RABGAP1L: variants seen among roughly 807,000 people sequenced by gnomAD.
The protein encoded by RABGAP1L is RAB GTPase activating protein 1 like.
In RABGAP1L, 63 loss-of-function variants were observed where a neutral mutation model predicts 137.7. That is an observed-to-expected ratio of 0.46 (90% CI 0.37 to 0.56). The LOEUF is 0.56. Among genes scored for constraint, RABGAP1L ranks in the 20% least tolerant of loss-of-function variants. The pLI is 0.00. For missense variants in RABGAP1L, 1,095 were observed against 1,244.0 expected, an observed-to-expected ratio of 0.88 and a Z score of 1.80; for synonymous variants, 431 against 433.7, an observed-to-expected ratio of 0.99 and a Z score of 0.08.
intron 13 of RABGAP1L, among the ~76,000 whole-genome samples, chr1:174,573,287 A>T (rs1668126658): frequency 6.6e-6 from 1 of 151,538 alleles, no homozygotes; most frequent in Admixed American, 6.6e-5. Context: ...ATATGTTTAT[A>T]TGTATGTGTG....
intron 14 of RABGAP1L, among the ~76,000 whole-genome samples, chr1:174,643,478 C>T (rs1674697628): frequency 6.6e-6 from 1 of 152,148 alleles, no homozygotes; most frequent in Non-Finnish European, 1.5e-5. Context: ...TTAACAGACA[C>T]TTAGAGACAG....
At chr1:174,547,422 G>A (rs1399558543) in intron 13 of RABGAP1L, among the ~76,000 whole-genome samples, 1 of 152,132 alleles carries the variant, frequency 6.6e-6, no homozygotes, top group East Asian at 1.9e-4. Context: ...TTTGAGACCA[G>A]CCTAGGCAAT....
intron 14 of RABGAP1L, among the ~76,000 whole-genome samples, chr1:174,651,846 A>T (rs886106135): frequency 6.6e-6 from 1 of 152,096 alleles, no homozygotes; most frequent in Non-Finnish European, 1.5e-5. Context: ...TTTAAAGTTA[A>T]TATTGTTATG....
Position 174,892,490 on chromosome 1 carries a change from C to G in RABGAP1L, c.2341-64967C>G, listed in dbSNP as rs188597221. ...TTTTCACCTTCCAGCTTCTTTTCTA[C>G]TTTGTAAGTTACTGGTTTTCACAAA... On this transcript the variant is annotated intron_variant, in intron 19 of 25. Coordinates refer to ENST00000681986, the MANE Select transcript of RABGAP1L (RefSeq NM_001366446.1). 1.1e-5 allele frequency: 5 copies of G among 475,880 alleles called. No individual in the cohort carries two copies. In the East Asian group the frequency reaches 3.1e-4, roughly 30 times the overall value. 29.5% of individuals were successfully genotyped at this position (475,880 alleles called of 1,614,324 possible).
chr1:174,667,089 T>C (rs930068814), intron 14 of RABGAP1L, among the ~76,000 whole-genome samples: 4 of 152,080 alleles, frequency 2.6e-5, no homozygotes, highest in Non-Finnish European at 4.4e-5. Context: ...CTATCAACTC[T>C]CTGTGTTTCC....
chr1:174,957,423 C>A, intron 19 of RABGAP1L, 34 bp from the exon 20 acceptor site: 1 of 1,542,468 alleles, frequency 6.5e-7, no homozygotes, highest in South Asian at 1.1e-5. Context: ...AAATGGTGTC[C>A]TTGTCTAACA....
chr1:174,331,333 G>A (rs1035104373), intron 11 of RABGAP1L, among the ~76,000 whole-genome samples: 27 of 151,970 alleles, frequency 1.8e-4, no homozygotes, highest in African/African-American at 6.0e-4. Context: ...AAACATAAAT[G>A]GATCTACATC....
At chr1:174,283,401 C>T (rs1675752843) in intron 10 of RABGAP1L, among the ~76,000 whole-genome samples, 1 of 151,866 alleles carries the variant, frequency 6.6e-6, no homozygotes, top group Non-Finnish European at 1.5e-5. Flanking sequence ...AGTGACACCC[C>T]ATCTCTAAAA....
Position 174,709,729 on chromosome 1 carries a change from C to T in RABGAP1L, c.2169+7473C>T, listed in dbSNP as rs558430618. 1.1e-3 allele frequency among the ~76,000 whole-genome samples: 160 copies of T among 152,242 alleles called. 1 individual carries two copies. Among genetic ancestry groups the T allele is most frequent in the Middle Eastern group, 6.8e-3 (2 of 294 alleles). Reference sequence around the variant, plus strand: ...ATCCATGAAGATGAGGAAAAGCCAGCGCAAAAAGGCTGAAAATTCCAAAAA... The same window carrying T: ...ATCCATGAAGATGAGGAAAAGCCAGTGCAAAAAGGCTGAAAATTCCAAAAA... On this transcript the variant is annotated intron_variant, in intron 17 of 25. Coordinates refer to ENST00000681986, the MANE Select transcript of RABGAP1L (RefSeq NM_001366446.1).
At chr1:174,975,854 A>T (rs533824813) in intron 21 of RABGAP1L, among the ~76,000 whole-genome samples, 1 of 152,258 alleles carries the variant, frequency 6.6e-6, no homozygotes, top group Admixed American at 6.5e-5. Context: ...TAATCTGTAA[A>T]ATTATTGTTG....
chr1:174,339,185 T>C (rs1463411922), intron 11 of RABGAP1L, among the ~76,000 whole-genome samples: 1 of 152,206 alleles, frequency 6.6e-6, no homozygotes, highest in Non-Finnish European at 1.5e-5. Context: ...GTATTTCTAG[T>C]AGAAAATATC....
At chr1:174,575,156 C>T (rs1572374696) in intron 13 of RABGAP1L, among the ~76,000 whole-genome samples, 1 of 152,124 alleles carries the variant, frequency 6.6e-6, no homozygotes. Flanking sequence ...TCGCGAACTC[C>T]CGACCTCAGG....
intron 14 of RABGAP1L, among the ~76,000 whole-genome samples, chr1:174,640,589 T>C (rs1043489869): frequency 6.6e-6 from 1 of 152,084 alleles, no homozygotes; most frequent in Non-Finnish European, 1.5e-5. Context: ...ACTAGCATTA[T>C]ACCTCACACT....
chr1:174,831,603 A>T (rs1219136815), intron 19 of RABGAP1L, among the ~76,000 whole-genome samples: 1 of 148,344 alleles, frequency 6.7e-6, no homozygotes, highest in African/African-American at 2.5e-5. Flanking sequence ...ATTCATCTCA[A>T]GGTTCAGCAT....
chr1:174,840,731 G>A (rs1042095828), intron 19 of RABGAP1L, among the ~76,000 whole-genome samples: 3 of 151,214 alleles, frequency 2.0e-5, no homozygotes, highest in African/African-American at 4.9e-5. Flanking sequence ...CAGGAGAATT[G>A]CTTGAACCTG....
chr1:174,483,810 A>T (rs1659363117), intron 13 of RABGAP1L, among the ~76,000 whole-genome samples: 1 of 148,860 alleles, frequency 6.7e-6, no homozygotes. Flanking sequence ...CTGAGTGACA[A>T]CTCCATCTCA....
At chr1:174,501,997 A>G (rs1041440787) in intron 13 of RABGAP1L, among the ~76,000 whole-genome samples, 6 of 151,672 alleles carry the variant, frequency 4.0e-5, no homozygotes, top group Non-Finnish European at 8.8e-5. Flanking sequence ...TACTAGAACT[A>G]CTATTATCTT....
intron 14 of RABGAP1L, among the ~76,000 whole-genome samples, chr1:174,650,640 C>T (rs1675396843): frequency 6.6e-6 from 1 of 151,786 alleles, no homozygotes; most frequent in African/African-American, 2.4e-5. Context: ...TTGTAGTATT[C>T]TCTGATGGTA....
intron 11 of RABGAP1L, among the ~76,000 whole-genome samples, chr1:174,362,940 A>G (rs1684274984): frequency 6.6e-6 from 1 of 152,222 alleles, no homozygotes; most frequent in South Asian, 2.1e-4. Context: ...TAAGTCAATA[A>G]TCTATCTTGA....
Sources: allele counts gnomAD v4.1 joint callset (sites outside exome capture counted in the v4.1 genomes callset), GRCh38; gene constraint gnomAD v4.1.1; transcripts MANE v1.5; gene names NCBI Gene and HGNC (gene_info 2026-07-23, HGNC 2026-07-21).